The following TOR1AIP1 variants were observed in gnomAD, a reference collection of about 807,000 sequenced individuals.
TOR1AIP1 encodes the protein torsin 1A interacting protein 1, also known as torsin-1A-interacting protein 1.
In TOR1AIP1, 54 loss-of-function variants were observed where a neutral mutation model predicts 63.3. That is an observed-to-expected ratio of 0.85 (90% confidence interval 0.69 to 1.07). TOR1AIP1 has a LOEUF of 1.07. Among genes scored for constraint, TOR1AIP1 ranks in the 50% least tolerant of loss-of-function variants. The probability of loss-of-function intolerance (pLI) is 0.00; values close to 1 mark genes in which losing one functional copy is unlikely to be tolerated. For synonymous variants in TOR1AIP1, 294 were observed against 273.5 expected, an observed-to-expected ratio of 1.07 and a Z score of -0.74; for missense variants, 736 against 715.0, an observed-to-expected ratio of 1.03 and a Z score of -0.33.
intron 8 of TOR1AIP1, among the ~76,000 whole-genome samples, chr1:179,909,067 A>C (rs1648745908): frequency 6.6e-6 from 1 of 152,116 alleles, no homozygotes; most frequent in Non-Finnish European, 1.5e-5. Flanking sequence ...AGGCTGAAGC[A>C]GGAGAATGGT....
chr1:179,884,595 T>G (rs894870633), intron 1 of TOR1AIP1, 97 bp from the exon 2 acceptor site: 2 of 1,016,778 alleles, frequency 2.0e-6, no homozygotes, highest in East Asian at 5.4e-5. Context: ...ATTTCTTGAA[T>G]TTTTGCTTAT....
chr1:179,902,019 CTT>C (rs767712125), intron 5 of TOR1AIP1, among the ~76,000 whole-genome samples: 22 of 98,782 alleles, frequency 2.2e-4, no homozygotes, highest in Admixed American at 4.6e-4. Flanking sequence ...AATTCCAATT[CTT>C]TTTTTTTTTT....
chr1:179,896,132 AG>A (rs1337661650), intron 3 of TOR1AIP1, among the ~76,000 whole-genome samples: 4 of 152,196 alleles, frequency 2.6e-5, no homozygotes, highest in Admixed American at 1.3e-4. Flanking sequence ...AAAACCTTGC[AG>A]GTATCTAATT....
At chr1:179,909,390 TTTGTTTTGTTTTGTTTTG>T (rs889137398) in intron 8 of TOR1AIP1, among the ~76,000 whole-genome samples, 19 of 15,184 alleles carry the variant, frequency 1.3e-3, no homozygotes, top group African/African-American at 2.2e-3. Flanking sequence ...TGTTTTTTGT[TTTGTTTTGTTTTGTTTTG>T]TTTTGTTTTG....
At position 179,882,678 on chromosome 1, in the gene TOR1AIP1, T is replaced by G; in HGVS notation, c.176T>G (p.Phe59Cys). 6.2e-7 allele frequency: 1 copy of G among 1,602,226 alleles called. No homozygotes were observed. Among genetic ancestry groups the G allele is most frequent in the Non-Finnish European group, 8.5e-7 (1 of 1,173,498 alleles). ...CGCCAGGGCCGGCGGGAAGTGAGGT[T>G]CTCGGACGAGCCGCCAGAAGTGTAC... ...PSRQGRREVRFSDEPPEVYGD... is the reference protein window; with the variant it reads ...PSRQGRREVRCSDEPPEVYGD... Residue 59 changes from phenylalanine to cysteine, a missense_variant, in exon 1 of 10, where the codon TTC becomes TGC. Coordinates refer to ENST00000606911, the MANE Select transcript of TOR1AIP1 (RefSeq NM_015602.4).
In TOR1AIP1 at chr1:179,895,918, C is replaced by CA. The variant is rs1035994124; in HGVS notation, c.611-4197dup. Among the ~76,000 whole-genome samples the CA allele has an allele frequency of 6.9e-4, 88 of 126,830 alleles. 1 individual carries two copies. Among genetic ancestry groups the CA allele is most frequent in the Middle Eastern group, 7.8e-3 (2 of 256 alleles). 83.2% of individuals were successfully genotyped at this position (126,830 alleles called of 152,430 possible). A position where few individuals can be genotyped will look rare whatever the true frequency, so the allele number is the denominator to read the frequency against. On this transcript the variant is annotated intron_variant, in intron 3 of 9. Transcript: ENST00000606911. ...TGGGTGACAGAGTGAGACTCTGTCT[C>CA]AAAAAAAAAAACAAAAACAAAAAAC... is the stretch of plus-strand genomic sequence containing the variant.
chr1:179,900,143 CAGA>C lies in TOR1AIP1; in HGVS notation c.631_633del (p.Lys211del). The C allele has an allele frequency of 6.2e-7, 1 of 1,605,232 alleles. No homozygotes were observed. Among genetic ancestry groups the C allele is most frequent in the Non-Finnish European group, 8.5e-7 (1 of 1,174,398 alleles). Reference sequence around the variant, plus strand: ...TCTTCTAGAAGCCACCAGTGTCCAACAGAAGGTCAATTTCTCTGAAGAAGGTAT... The same window carrying C: ...TCTTCTAGAAGCCACCAGTGTCCAACAGGTCAATTTCTCTGAAGAAGGTAT... On this transcript the variant is annotated inframe_deletion, in exon 4 of 10. Coordinates refer to ENST00000606911, the MANE Select transcript of TOR1AIP1 (RefSeq NM_015602.4).
chr1:179,914,152 A>G (rs1297843266), intron 9 of TOR1AIP1, 98 bp downstream of exon 9: 9 of 1,026,576 alleles, frequency 8.8e-6, no homozygotes, highest in Middle Eastern at 4.3e-4. Context: ...ACTCGATGCT[A>G]TTTGAAGAAT....
chr1:179,913,775 AC>A, intron 8 of TOR1AIP1: 1 of 662,930 alleles, frequency 1.5e-6, no homozygotes, highest in Non-Finnish European at 2.7e-6. Context: ...TTTGTACTAG[AC>A]CCCACCATAT....
At chr1:179,884,144 T>G (rs1163274482) in intron 1 of TOR1AIP1, 1 of 156,062 alleles carries the variant, frequency 6.4e-6, no homozygotes, top group Non-Finnish European at 1.4e-5. Context: ...TTTTATCTCT[T>G]TTAAGATTAC....
intron 3 of TOR1AIP1, among the ~76,000 whole-genome samples, chr1:179,892,553 T>C (rs903286444): frequency 7.9e-5 from 12 of 151,618 alleles, no homozygotes; most frequent in African/African-American, 2.7e-4. Flanking sequence ...CTGGCTAACA[T>C]GGTGAAACCC....
intron 3 of TOR1AIP1, among the ~76,000 whole-genome samples, chr1:179,897,860 G>T (rs1055575244): frequency 6.6e-6 from 1 of 152,158 alleles, no homozygotes; most frequent in African/African-American, 2.4e-5. Flanking sequence ...CACTTTGGGA[G>T]GCTGAGGCAG....
In TOR1AIP1 at chr1:179,882,960, ACT is replaced by A. The variant is rs1558037273; in HGVS notation, c.462_463del (p.His155PhefsTer3). ...GTTATGACCAGGAGAGGGCTGCGGG[ACT>A]CTCATTCCTCTGAAGGTGAGGACCG... On this transcript the variant is annotated frameshift_variant, in exon 1 of 10. Transcript: ENST00000606911. LOFTEE classifies it high-confidence loss of function. The A allele has an allele frequency of 1.2e-6, 2 of 1,612,466 alleles. No homozygotes were observed. The highest frequency in any genetic ancestry group is 1.7e-6 in the Non-Finnish European group (2 of 1,179,524).
intron 2 of TOR1AIP1, among the ~76,000 whole-genome samples, chr1:179,885,028 C>T (rs1033471286): frequency 2.0e-5 from 3 of 152,216 alleles, no homozygotes; most frequent in African/African-American, 7.2e-5. Flanking sequence ...GGTTTGTCTT[C>T]TCCAGAGCCC....
chr1:179,908,932 G>T (rs1439803712), intron 8 of TOR1AIP1, among the ~76,000 whole-genome samples: 1 of 152,170 alleles, frequency 6.6e-6, no homozygotes, highest in African/African-American at 2.4e-5. Flanking sequence ...TTGGGAGGCC[G>T]AGGTGGGTGG....
In TOR1AIP1 at chr1:179,898,264, G is replaced by A. The variant is rs188355804; in HGVS notation, c.611-1862G>A. Among the ~76,000 whole-genome samples, 5 of 152,204 alleles carry A rather than the reference G, an allele frequency of 3.3e-5. No individual in the cohort carries two copies. The East Asian group carries it at 7.7e-4, about 24-fold the overall frequency. On this transcript the variant is annotated intron_variant, in intron 3 of 9. Transcript: ENST00000606911. ...CTTAGACAAGTCACTTGATATCTATGAACCTTACTTATGAAAATCTTCCCT... is the reference window on the plus strand; with the variant it reads ...CTTAGACAAGTCACTTGATATCTATAAACCTTACTTATGAAAATCTTCCCT...
At chr1:179,888,468 A>G (rs943908224) in intron 2 of TOR1AIP1, among the ~76,000 whole-genome samples, 3 of 152,166 alleles carry the variant, frequency 2.0e-5, no homozygotes, top group South Asian at 4.1e-4. Flanking sequence ...TAGGCTGGCA[A>G]GATTTATTTT....
Position 179,908,625 on chromosome 1 carries a change from C to T in TOR1AIP1, c.859C>T (p.Pro287Ser), listed in dbSNP as rs760072486. Residue 287 changes from proline (P) to serine (S), a missense_variant, in exon 8 of 10, where the codon CCC (proline) becomes TCC (serine). Pro to Ser is a moderately conservative substitution (Grantham distance 74). Coordinates refer to ENST00000606911, the MANE Select transcript of TOR1AIP1 (RefSeq NM_015602.4). ...TTCAGGCTCAGGATATCAAAAAACT[C>T]CCCAGGAATGGGCCCCACAAACTGC... ...SVLSSGYQKT[P>S]QEWAPQTARI... is the part of the protein sequence containing the mutation. 1 of 1,613,360 alleles carries T rather than the reference C, an allele frequency of 6.2e-7. No homozygotes were observed. The highest frequency in any genetic ancestry group is 1.3e-5 in the African/African-American group (1 of 74,996).
At chr1:179,912,852 T>A (rs1648882228) in intron 8 of TOR1AIP1, among the ~76,000 whole-genome samples, 1 of 152,214 alleles carries the variant, frequency 6.6e-6, no homozygotes, top group Non-Finnish European at 1.5e-5. Context: ...ATTCCTCCAG[T>A]TATTCCAGTG....
Sources: gnomAD v4.1 joint callset for allele counts (sites outside exome capture counted in the v4.1 genomes callset) on GRCh38, gnomAD v4.1.1 for gene constraint, MANE v1.5 for transcripts, NCBI Gene and HGNC (gene_info 2026-07-23, HGNC 2026-07-21) for gene names.